The following SLC9C2 variants were observed in gnomAD, a reference collection of about 807,000 sequenced individuals.
The protein encoded by SLC9C2 is solute carrier family 9 member C2 (putative), also known as sodium/hydrogen exchanger 11.
A neutral mutation model predicts 140.2 loss-of-function variants in SLC9C2; 75 were observed. The ratio of observed to expected loss-of-function variants is 0.53; its 90% CI spans 0.44 to 0.65. The LOEUF (loss-of-function observed/expected upper bound fraction) is 0.65. Ranked by LOEUF, SLC9C2 falls within the 30% of genes least tolerant of loss-of-function variation. The pLI is 0.00. For synonymous variants in SLC9C2, 375 were observed against 420.9 expected, an observed-to-expected ratio of 0.89 and a Z score of 1.34; for missense variants, 1,074 against 1,331.8, an observed-to-expected ratio of 0.81 and a Z score of 3.01.
At chr1:173,560,715 C>T (rs572099333) in intron 9 of SLC9C2, among the ~76,000 whole-genome samples, 1 of 152,196 alleles carries the variant, frequency 6.6e-6, no homozygotes, top group Admixed American at 6.5e-5. Context: ...TAGCACAGAG[C>T]AGGCTTTGCA....
In SLC9C2 at chr1:173,533,713, A is replaced by C; in HGVS notation, c.2059T>G (p.Phe687Val). ...CTCAATTTCACAAAGTATACACAAA[A>C]GATATCAATGATTCCAATAACCAGG... Reference protein sequence around the residue: ...FILVIGIIDIFCVYFVKLRPD... With the variant: ...FILVIGIIDIVCVYFVKLRPD... Residue 687 changes from phenylalanine (F) to valine (V), a missense_variant, in exon 17 of 28, where the codon TTT becomes GTT. Coordinates refer to ENST00000367714, the MANE Select transcript of SLC9C2 (RefSeq NM_178527.4). 1 of 1,610,918 alleles carries C rather than the reference A, an allele frequency of 6.2e-7. No homozygotes were observed. Among genetic ancestry groups the C allele is most frequent in the Non-Finnish European group, 8.5e-7 (1 of 1,177,338 alleles).
At position 173,567,956 on chromosome 1, in the gene SLC9C2, T is replaced by C. The variant is rs538165220; in HGVS notation, c.1046+5226A>G. On this transcript the variant is annotated intron_variant, in intron 9 of 27. Coordinates refer to ENST00000367714, the MANE Select transcript of SLC9C2 (RefSeq NM_178527.4). ...CAAAAAGAAGACTGATAAAAAACGA[T>C]ACACTTTGACTTTACCCCCCTGCTA... Among the ~76,000 whole-genome samples the C allele has an allele frequency of 5.3e-5, 8 of 152,228 alleles. No homozygotes were observed. The South Asian group carries it at 1.2e-3, about 24-fold the overall frequency.
intron 9 of SLC9C2, among the ~76,000 whole-genome samples, chr1:173,559,214 T>C (rs1663927215): frequency 3.3e-5 from 5 of 152,246 alleles, no homozygotes; most frequent in Admixed American, 3.3e-4. Flanking sequence ...AACTTAGTCT[T>C]GCCTATACAG....
chr1:173,599,615 CTT>C (rs561361551), intron 3 of SLC9C2, among the ~76,000 whole-genome samples: 1 of 144,636 alleles, frequency 6.9e-6, no homozygotes. Context: ...TTCTTTCCTT[CTT>C]TTTTTTTTGA....
chr1:173,522,759 C>CT (rs952216208), intron 21 of SLC9C2, among the ~76,000 whole-genome samples: 6 of 152,186 alleles, frequency 3.9e-5, no homozygotes, highest in African/African-American at 1.4e-4. Flanking sequence ...TTCATGTGCT[C>CT]TCTCCAGCTC....
chr1:173,505,861 T>C (rs1241894721), intron 25 of SLC9C2, among the ~76,000 whole-genome samples: 1 of 152,120 alleles, frequency 6.6e-6, no homozygotes, highest in Non-Finnish European at 1.5e-5. Context: ...ATGAAGGAAA[T>C]TGAGGGTCAG....
chr1:173,501,324 G>C (rs531323389), intron 27 of SLC9C2, among the ~76,000 whole-genome samples: 1 of 152,190 alleles, frequency 6.6e-6, no homozygotes, highest in South Asian at 2.1e-4. Context: ...AATTCCATGA[G>C]AGTAGTCTAT....
chr1:173,544,481 C>T (rs1441702734), intron 13 of SLC9C2, among the ~76,000 whole-genome samples: 3 of 152,086 alleles, frequency 2.0e-5, no homozygotes, highest in Admixed American at 1.3e-4. Flanking sequence ...CTAGAAATAC[C>T]ATTTGATCCA....
chr1:173,529,868 G>T, intron 18 of SLC9C2, 37 bp downstream of exon 18: 8 of 1,582,792 alleles, frequency 5.1e-6, no homozygotes, highest in Non-Finnish European at 6.8e-6. Flanking sequence ...ACACCTAAGG[G>T]GTTTTTCTCC....
chr1:173,552,068 G>A (rs532862568), intron 11 of SLC9C2, among the ~76,000 whole-genome samples: 1 of 152,302 alleles, frequency 6.6e-6, no homozygotes, highest in East Asian at 1.9e-4. Context: ...AGATTGAGTG[G>A]TCTGAATAGA....
At chr1:173,558,331 C>G (rs1359078477) in intron 9 of SLC9C2, among the ~76,000 whole-genome samples, 1 of 152,294 alleles carries the variant, frequency 6.6e-6, no homozygotes, top group African/African-American at 2.4e-5. Context: ...TGCAACGTGA[C>G]TCTTACCAAC....
chr1:173,575,952 A>C (rs1051161808), intron 8 of SLC9C2, among the ~76,000 whole-genome samples: 3 of 152,240 alleles, frequency 2.0e-5, no homozygotes, highest in Non-Finnish European at 4.4e-5. Flanking sequence ...AAAAGAAAGG[A>C]CATTATAAAC....
In SLC9C2 at chr1:173,517,699, A is replaced by C; in HGVS notation, c.2745T>G (p.His915Gln). ...YLIISGMAIL[H>Q]SLSPTFGIES... is the part of the protein sequence containing the mutation. ...CTATTCCAAAGGTAGGAGATAAACTATGCAACTGCAAAGGGAAAAAAAGTG... is the reference window on the plus strand; with the variant it reads ...CTATTCCAAAGGTAGGAGATAAACTCTGCAACTGCAAAGGGAAAAAAAGTG... Residue 915 changes from histidine to glutamine, a missense_variant, in exon 23 of 28, where the codon CAT (histidine) becomes CAG (glutamine). By Grantham distance (24) the His-to-Gln change is conservative. Transcript: ENST00000367714. The C allele has an allele frequency of 6.2e-7, 1 of 1,603,662 alleles. No homozygotes were observed. Among genetic ancestry groups the C allele is most frequent in the Non-Finnish European group, 8.5e-7 (1 of 1,177,274 alleles).
chr1:173,598,860 C>G lies in SLC9C2; in HGVS notation c.229-828G>C, dbSNP rs567241172. Among the ~76,000 whole-genome samples, 4 of 152,214 alleles carry G rather than the reference C, an allele frequency of 2.6e-5. No individual in the cohort carries two copies. The South Asian group carries it at 8.3e-4, about 32-fold the overall frequency. On this transcript the variant is annotated intron_variant, in intron 3 of 27. Coordinates refer to ENST00000367714, the MANE Select transcript of SLC9C2 (RefSeq NM_178527.4). ...GGTATTTCAGAAGATTAGGAAGAAG[C>G]GTTTACAATCCTAGATGGGTACAAG... is the stretch of plus-strand genomic sequence containing the variant.
chr1:173,537,099 T>C, intron 13 of SLC9C2, 60 bp from the exon 14 acceptor site: 1 of 1,366,886 alleles, frequency 7.3e-7, no homozygotes, highest in Non-Finnish European at 1.0e-6. Flanking sequence ...TGTATTCTTC[T>C]TAACCCTTAC....
chr1:173,521,885 C>CAAA (rs58355008), intron 21 of SLC9C2, among the ~76,000 whole-genome samples: 955 of 76,898 alleles, frequency 0.012, 41 homozygotes, highest in Non-Finnish European at 0.017. Flanking sequence ...GGGCGCTATG[C>CAAA]AAAAAAAAAA....
intron 10 of SLC9C2, chr1:173,555,244 G>T (rs981373888): frequency 1.9e-5 from 3 of 159,474 alleles, no homozygotes; most frequent in African/African-American, 7.2e-5. Context: ...ATTTGCTACG[G>T]CTGTACCAGA....
At position 173,573,385 on chromosome 1, in the gene SLC9C2, T is replaced by G. The variant is rs546502304; in HGVS notation, c.903-60A>C. 10 of 1,245,962 alleles carry G rather than the reference T, an allele frequency of 8.0e-6. No homozygotes were observed. The East Asian group carries it at 2.6e-4, about 33-fold the overall frequency. 77.2% of individuals were successfully genotyped at this position (1,245,962 alleles called of 1,614,324 possible). A position where few individuals can be genotyped will look rare whatever the true frequency, so the allele number is the denominator to read the frequency against. The stretch of plus-strand genomic sequence containing the variant: ...AATCATCTTAAAAATATATTTTCCT[T>G]TTCATATAAAATCATATATCTTATA... On this transcript the variant is annotated intron_variant, in intron 8 of 27. Coordinates refer to ENST00000367714, the MANE Select transcript of SLC9C2 (RefSeq NM_178527.4).
At chr1:173,577,387 A>C (rs1041640265) in intron 7 of SLC9C2, among the ~76,000 whole-genome samples, 2 of 152,182 alleles carry the variant, frequency 1.3e-5, no homozygotes, top group Non-Finnish European at 2.9e-5. Flanking sequence ...CTCCCTAATT[A>C]AACTTGTAAT....
Sources: gnomAD v4.1 joint callset for allele counts (sites outside exome capture counted in the v4.1 genomes callset) on GRCh38, gnomAD v4.1.1 for gene constraint, MANE v1.5 for transcripts, NCBI Gene and HGNC (gene_info 2026-07-23, HGNC 2026-07-21) for gene names.